AGAP1: variants seen among roughly 807,000 people sequenced by gnomAD.
AGAP1 encodes the protein arf-GAP with GTPase, ANK repeat and PH domain-containing protein 1.
A neutral mutation model predicts 105.3 loss-of-function variants in AGAP1; 29 were observed. The observed-to-expected ratio is 0.28, with a 90% CI of 0.21 to 0.38. The LOEUF is 0.38. AGAP1 is among the 10% of genes least tolerant of loss of function. The pLI is 1.00. For synonymous variants in AGAP1, 509 were observed against 485.9 expected (o/e 1.05, Z -0.63); for missense variants, 998 against 1,165.1 (o/e 0.86, Z 2.09).
In AGAP1 at chr2:235,621,001, T is replaced by C. The variant is rs549239137; in HGVS notation, c.164-88178T>C. Among the ~76,000 whole-genome samples, 8 of 152,272 alleles carry C rather than the reference T, an allele frequency of 5.3e-5. No individual in the cohort carries two copies. The South Asian group carries it at 1.7e-3, about 32-fold the overall frequency. Reference sequence around the variant, plus strand: ...TGGCTCTGCTGCTGAAGTGGCTGGATGGCCTTGGAGATCTAGTTAATTTTT... The same window carrying C: ...TGGCTCTGCTGCTGAAGTGGCTGGACGGCCTTGGAGATCTAGTTAATTTTT... On this transcript the variant is annotated intron_variant, in intron 1 of 17. Transcript: ENST00000304032. The surrounding 1 kb of genome is among the most constrained non-coding windows in gnomAD (Gnocchi z 4.1).
intron 6 of AGAP1, among the ~76,000 whole-genome samples, chr2:235,783,934 C>G (rs780987209): frequency 1.1e-4 from 17 of 152,044 alleles, no homozygotes; most frequent in Non-Finnish European, 2.4e-4. Flanking sequence ...GATGCCTGCA[C>G]CGTAGTTGAA....
intron 1 of AGAP1, among the ~76,000 whole-genome samples, chr2:235,684,142 C>T (rs1029478767): frequency 2.0e-5 from 3 of 152,124 alleles, no homozygotes; most frequent in Non-Finnish European, 2.9e-5. Flanking sequence ...CCCGGGTTCA[C>T]ACCATTCTCC....
intron 1 of AGAP1, among the ~76,000 whole-genome samples, chr2:235,537,115 C>T (rs535255731): frequency 5.3e-5 from 8 of 152,352 alleles, no homozygotes; most frequent in African/African-American, 1.4e-4. Context: ...CTTCACAGAG[C>T]TCATGTTTTG....
intron 9 of AGAP1, among the ~76,000 whole-genome samples, chr2:235,862,891 C>T (rs1002233845): frequency 2.6e-5 from 4 of 152,172 alleles, no homozygotes; most frequent in Non-Finnish European, 4.4e-5. Context: ...GCTTTGCTCT[C>T]TGGTGAGATC....
chr2:235,594,370 C>G (rs981103900), intron 1 of AGAP1, among the ~76,000 whole-genome samples: 1 of 151,960 alleles, frequency 6.6e-6, no homozygotes, highest in African/African-American at 2.4e-5. Flanking sequence ...GCGTCTCCTC[C>G]TCTGTACTCT....
rs528510164 is a variant in AGAP1 at position 236,003,126 on chromosome 2, C to G, written c.1646-33435C>G. On this transcript the variant is annotated intron_variant, in intron 13 of 17. Transcript: ENST00000304032. The surrounding 1 kb of genome is among the most constrained non-coding windows in gnomAD (Gnocchi z 4.2). The stretch of plus-strand genomic sequence containing the variant: ...GGCACGGTCTCAGCTCTTACTGCAG[C>G]CTCTGCCTCCCAGGTTCAAGCAGTT... Among the ~76,000 whole-genome samples the G allele has an allele frequency of 2.0e-5, 3 of 152,220 alleles. No individual in the cohort carries two copies. Among genetic ancestry groups the G allele is most frequent in the Admixed American group, 1.3e-4 (2 of 15,276 alleles).
intron 1 of AGAP1, among the ~76,000 whole-genome samples, chr2:235,543,005 C>T (rs1267495511): frequency 6.6e-6 from 1 of 151,578 alleles, no homozygotes; most frequent in African/African-American, 2.4e-5. Context: ...TGAGGGTGGA[C>T]TTTTCTTTGG....
Position 235,801,164 on chromosome 2 carries a change from C to A in AGAP1, c.957+1642C>A, listed in dbSNP as rs993506760. Among the ~76,000 whole-genome samples, 2 of 152,164 alleles carry A rather than the reference C, an allele frequency of 1.3e-5. No homozygotes were observed. Among genetic ancestry groups the A allele is most frequent in the African/African-American group, 4.8e-5 (2 of 41,448 alleles). Reference sequence around the variant, plus strand: ...ACATCAGCTCCCACAGAGGCCACTGCTGGGCAGCAGGGTGAGGACTGATCA... The same window carrying A: ...ACATCAGCTCCCACAGAGGCCACTGATGGGCAGCAGGGTGAGGACTGATCA... On this transcript the variant is annotated intron_variant, in intron 8 of 17. Transcript: ENST00000304032. The surrounding 1 kb of genome is among the most constrained non-coding windows in gnomAD (Gnocchi z 6.0).
At chr2:235,546,907 G>A (rs903057364) in intron 1 of AGAP1, among the ~76,000 whole-genome samples, 6 of 152,230 alleles carry the variant, frequency 3.9e-5, no homozygotes, top group African/African-American at 1.4e-4. Flanking sequence ...AGGAAAACCA[G>A]TTTGTGGAAG....
In AGAP1 at chr2:235,732,623, C is replaced by T. The variant is rs1383946876; in HGVS notation, c.311-8340C>T. Among the ~76,000 whole-genome samples the T allele has an allele frequency of 6.6e-6, 1 of 152,152 alleles. No individual in the cohort carries two copies. The highest frequency in any genetic ancestry group is 1.5e-5 in the Non-Finnish European group (1 of 68,036). On this transcript the variant is annotated intron_variant, in intron 3 of 17. Transcript: ENST00000304032. The surrounding 1 kb of genome is among the most constrained non-coding windows in gnomAD (Gnocchi z 4.8). ...AAGCCTCTCCCGCCTTCCCATTTTC[C>T]CTGCTGGGGAGCCTTTGCATAATGT...
intron 9 of AGAP1, among the ~76,000 whole-genome samples, chr2:235,862,929 T>C (rs1357159962): frequency 6.6e-6 from 1 of 152,200 alleles, no homozygotes. Flanking sequence ...TCTAATCTCC[T>C]CTGCTCTGTG....
In AGAP1 at chr2:236,012,678, G is replaced by T. The variant is rs2056556484; in HGVS notation, c.1646-23883G>T. 6.6e-6 allele frequency among the ~76,000 whole-genome samples: 1 copy of T among 152,260 alleles called. No homozygotes were observed. Among genetic ancestry groups the T allele is most frequent in the South Asian group, 2.1e-4 (1 of 4,818 alleles). On this transcript the variant is annotated intron_variant, in intron 13 of 17. Transcript: ENST00000304032. This position sits in a 1 kb window ranked among gnomAD's most constrained non-coding sequence, Gnocchi z 4.9. ...AGAAACCTGAAGGTATAGACATAAA[G>T]AAGTCTTCACTTGTGAAAAATTAAA...
intron 9 of AGAP1, among the ~76,000 whole-genome samples, chr2:235,851,262 C>T (rs999099439): frequency 1.2e-4 from 19 of 152,322 alleles, no homozygotes; most frequent in South Asian, 2.1e-4. Context: ...GCCCACCTGG[C>T]GCTCCTGCTG....
intron 1 of AGAP1, among the ~76,000 whole-genome samples, chr2:235,618,119 T>G (rs1304300395): frequency 6.6e-6 from 1 of 152,148 alleles, no homozygotes; most frequent in Non-Finnish European, 1.5e-5. Flanking sequence ...TGCTCGGTCT[T>G]GGGCGCGTGC....
chr2:236,045,966 T>C lies in AGAP1; in HGVS notation c.1892-3093T>C, dbSNP rs1276736802. 1 of 471,614 alleles carries C rather than the reference T, an allele frequency of 2.1e-6. No homozygotes were observed. Among genetic ancestry groups the C allele is most frequent in the East Asian group, 6.9e-5 (1 of 14,398 alleles). The allele number at this position is 471,614 out of a possible 1,614,324, so 29.2% of individuals were successfully genotyped here. ...GAGAATTCGGAGTCCGGCACAGGAA[T>C]GTGTCCCACGCATGAATGTCGTCCT... On this transcript the variant is annotated intron_variant, in intron 15 of 17. Transcript: ENST00000304032. This position sits in a 1 kb window ranked among gnomAD's most constrained non-coding sequence, Gnocchi z 6.9.
chr2:236,121,697 A>C lies in AGAP1; in HGVS notation c.2370+1250A>C, dbSNP rs1320748104. On this transcript the variant is annotated intron_variant, in intron 17 of 17. Coordinates refer to ENST00000304032, the MANE Select transcript of AGAP1 (RefSeq NM_001037131.3). This position sits in a 1 kb window ranked among gnomAD's most constrained non-coding sequence, Gnocchi z 4.9. ...ACTCCCTTTTGCTCATGAGTCATAC[A>C]TGTGATGTAATGCACATTAAATAAG... Among the ~76,000 whole-genome samples, 2 of 152,154 alleles carry C rather than the reference A, an allele frequency of 1.3e-5. No homozygotes were observed. The highest frequency in any genetic ancestry group is 2.1e-4 in the South Asian group (1 of 4,822).
intron 1 of AGAP1, among the ~76,000 whole-genome samples, chr2:235,502,341 T>C (rs955038466): frequency 2.6e-5 from 4 of 152,046 alleles, no homozygotes; most frequent in African/African-American, 4.8e-5. Flanking sequence ...GTGTGCGAGG[T>C]TGGGACATTT....
intron 11 of AGAP1, among the ~76,000 whole-genome samples, chr2:235,914,520 T>C (rs1189563497): frequency 6.6e-6 from 1 of 152,154 alleles, no homozygotes; most frequent in African/African-American, 2.4e-5. Context: ...GGGTGGGGTA[T>C]TCCTAGCATT....
At position 236,008,404 on chromosome 2, in the gene AGAP1, G is replaced by A. The variant is rs186401667; in HGVS notation, c.1646-28157G>A. Among the ~76,000 whole-genome samples the A allele has an allele frequency of 2.4e-4, 36 of 152,336 alleles. No homozygotes were observed. In the East Asian group the frequency reaches 6.4e-3, roughly 27 times the overall value. On this transcript the variant is annotated intron_variant, in intron 13 of 17. Transcript: ENST00000304032. The stretch of plus-strand genomic sequence containing the variant: ...GGGAGAGAAATTTCTGTTTTTCACC[G>A]ATGCATTTCTCACGTTCATCTGACA...
Sources: allele counts gnomAD v4.1 joint callset (sites outside exome capture counted in the v4.1 genomes callset), GRCh38; gene constraint gnomAD v4.1.1; non-coding constraint Gnocchi (gnomAD v3.1); transcripts MANE v1.5; gene names NCBI Gene and HGNC (gene_info 2026-07-23, HGNC 2026-07-21).